The following NCAM2 variants were observed in gnomAD, a reference collection of about 807,000 sequenced individuals.
NCAM2 encodes the protein N-CAM-2.
Under a neutral mutation model 98.1 loss-of-function variants are expected in NCAM2, and 30 were observed. The ratio of observed to expected loss-of-function variants is 0.31; its 90% CI spans 0.23 to 0.41. The LOEUF (loss-of-function observed/expected upper bound fraction) is 0.41, where lower values mean the gene tolerates loss of function less well. NCAM2 is among the 10% of genes least tolerant of loss of function. The pLI is 1.00. For synonymous variants in NCAM2, 368 were observed against 342.4 expected (o/e 1.07, Z -0.83); for missense variants, 867 against 1,005.8 (o/e 0.86, Z 1.87).
chr21:21,102,982 A>G (rs755541339), intron 1 of NCAM2, among the ~76,000 whole-genome samples: 2 of 152,054 alleles, frequency 1.3e-5, no homozygotes, highest in Non-Finnish European at 2.9e-5. Context: ...CACCTAATGC[A>G]TGCATTCTTG....
intron 1 of NCAM2, among the ~76,000 whole-genome samples, chr21:21,265,971 T>C (rs148735675): frequency 2.0e-5 from 3 of 152,154 alleles, no homozygotes; most frequent in East Asian, 1.9e-4. Context: ...GATGTAATGA[T>C]TGAATGAAAA....
intron 15 of NCAM2, among the ~76,000 whole-genome samples, chr21:21,480,385 A>AAG: frequency 6.6e-6 from 1 of 151,156 alleles, no homozygotes; most frequent in East Asian, 1.9e-4. Context: ...AAAAAAAAAA[A>AAG]AAGAATAACT....
intron 14 of NCAM2, among the ~76,000 whole-genome samples, chr21:21,469,254 C>T (rs2146224336): frequency 6.6e-6 from 1 of 152,102 alleles, no homozygotes; most frequent in African/African-American, 2.4e-5. Context: ...GAATCCTTTT[C>T]TTCAACTTTA....
chr21:21,268,467 A>T (rs2072368925), intron 1 of NCAM2, among the ~76,000 whole-genome samples: 1 of 152,146 alleles, frequency 6.6e-6, no homozygotes, highest in African/African-American at 2.4e-5. Flanking sequence ...ATGCAGGATC[A>T]CTGTCTTGGG....
intron 16 of NCAM2, among the ~76,000 whole-genome samples, chr21:21,509,984 C>G (rs1988257709): frequency 1.3e-5 from 2 of 152,090 alleles, no homozygotes; most frequent in Admixed American, 1.3e-4. Flanking sequence ...CTTTCTACTG[C>G]ATACTTTTTC....
chr21:21,248,205 T>C (rs2071348479), intron 1 of NCAM2, among the ~76,000 whole-genome samples: 1 of 152,188 alleles, frequency 6.6e-6, no homozygotes, highest in South Asian at 2.1e-4. Flanking sequence ...TCCAATTGAC[T>C]TGTTTGTATG....
intron 1 of NCAM2, among the ~76,000 whole-genome samples, chr21:21,010,295 A>T (rs2064185338): frequency 6.6e-6 from 1 of 152,040 alleles, no homozygotes; most frequent in Admixed American, 6.6e-5. Flanking sequence ...AACAAAACTT[A>T]ACCTAGGTTG....
At chr21:21,422,429 C>T (rs1476654134) in intron 11 of NCAM2, among the ~76,000 whole-genome samples, 1 of 152,004 alleles carries the variant, frequency 6.6e-6, no homozygotes, top group Non-Finnish European at 1.5e-5. Flanking sequence ...TAAGAAAACC[C>T]CCTACACCTA....
intron 8 of NCAM2, among the ~76,000 whole-genome samples, chr21:21,360,886 T>G (rs1322487413): frequency 1.3e-5 from 2 of 152,062 alleles, no homozygotes; most frequent in African/African-American, 4.8e-5. Context: ...TACCTTTTCT[T>G]GGTTCATTTT....
intron 12 of NCAM2, among the ~76,000 whole-genome samples, chr21:21,453,701 T>C (rs1981688267): frequency 6.6e-6 from 1 of 152,066 alleles, no homozygotes; most frequent in African/African-American, 2.4e-5. Context: ...AGATGAAGAA[T>C]CCTTAGTGCA....
intron 6 of NCAM2, among the ~76,000 whole-genome samples, chr21:21,327,306 C>CAAAAAAAAAAAAAAAAAAAA (rs11384559): frequency 1.2e-5 from 1 of 82,210 alleles, no homozygotes; most frequent in Admixed American, 1.6e-4. Flanking sequence ...GACTCTGTCT[C>CAAAAAAAAAAAAAAAAAAAA]AAAAAAAAAA....
chr21:21,527,474 A>G (rs77443890), intron 16 of NCAM2, among the ~76,000 whole-genome samples: 171 of 152,316 alleles, frequency 1.1e-3, no homozygotes, highest in African/African-American at 3.9e-3. Flanking sequence ...AAGGACTATT[A>G]TATGATGTAT....
Position 21,094,096 on chromosome 21 carries a change from T to C in NCAM2, c.55+95478T>C, listed in dbSNP as rs79608892. On this transcript the variant is annotated intron_variant, in intron 1 of 17. Coordinates refer to ENST00000400546, the MANE Select transcript of NCAM2 (RefSeq NM_004540.5). ...GTGTCTCATTTTGACACAAATTGTGTACTTAATCTTGATTATATATTTGAT... is the reference window on the plus strand; with the variant it reads ...GTGTCTCATTTTGACACAAATTGTGCACTTAATCTTGATTATATATTTGAT... Among the ~76,000 whole-genome samples, 602 of 152,082 alleles carry C rather than the reference T, an allele frequency of 4.0e-3. 7 individuals carry two copies. Among genetic ancestry groups the C allele is most frequent in the African/African-American group, 0.014 (565 of 41,538 alleles).
chr21:21,463,969 AT>A (rs1323221577), intron 12 of NCAM2: 1 of 151,964 alleles, frequency 6.6e-6, no homozygotes, highest in Non-Finnish European at 1.5e-5. Context: ...CTCTGCTGTT[AT>A]CAATTTTTAA....
chr21:21,349,943 G>C (rs986808687), intron 8 of NCAM2, among the ~76,000 whole-genome samples: 1 of 152,132 alleles, frequency 6.6e-6, no homozygotes, highest in Non-Finnish European at 1.5e-5. Flanking sequence ...GAGGTGGGGC[G>C]TGGTAAGGAT....
intron 13 of NCAM2, among the ~76,000 whole-genome samples, 188 bp from the exon 14 acceptor site, chr21:21,468,474 T>C (rs1984009392): frequency 6.6e-6 from 1 of 152,044 alleles, no homozygotes; most frequent in African/African-American, 2.4e-5. Flanking sequence ...CACTTCTAGA[T>C]TTATAATGTT....
chr21:21,500,576 C>A lies in NCAM2; in HGVS notation c.2078-8275C>A, dbSNP rs533329559. On this transcript the variant is annotated intron_variant, in intron 15 of 17. Coordinates refer to ENST00000400546, the MANE Select transcript of NCAM2 (RefSeq NM_004540.5). ...CCTGTAATTACAACACATGCAAATG[C>A]GATCTGAAAGTCATGTTCTTTCAAA... 5.3e-5 allele frequency among the ~76,000 whole-genome samples: 8 copies of A among 151,992 alleles called. No individual in the cohort carries two copies. In the East Asian group the frequency reaches 1.5e-3, roughly 29 times the overall value.
intron 1 of NCAM2, among the ~76,000 whole-genome samples, chr21:21,220,768 G>T (rs1350923521): frequency 6.6e-6 from 1 of 152,032 alleles, no homozygotes; most frequent in Non-Finnish European, 1.5e-5. Flanking sequence ...ATTCAAACTG[G>T]GGTGGGGCCT....
At chr21:21,440,406 G>A (rs1035319880) in intron 12 of NCAM2, among the ~76,000 whole-genome samples, 2 of 152,074 alleles carry the variant, frequency 1.3e-5, no homozygotes, top group Non-Finnish European at 2.9e-5. Flanking sequence ...AATAGGCCTG[G>A]CACAGTGGCT....
Sources: allele counts gnomAD v4.1 joint callset (sites outside exome capture counted in the v4.1 genomes callset), GRCh38; gene constraint gnomAD v4.1.1; transcripts MANE v1.5; gene names NCBI Gene and HGNC (gene_info 2026-07-23, HGNC 2026-07-21).